Variants in GNG7 observed in about 807,000 individuals in gnomAD.
GNG7 encodes the protein guanine nucleotide-binding protein G(I)/G(S)/G(O) subunit gamma-7.
Under a neutral mutation model 4.0 loss-of-function variants are expected in GNG7, and 1 was observed. The ratio of observed to expected loss-of-function variants is 0.25; its 90% CI spans 0.09 to 1.18. GNG7 has a LOEUF of 1.18. GNG7 is among the 50% of genes most tolerant of loss of function. The probability of loss-of-function intolerance (pLI) is 0.50; values close to 1 mark genes in which losing one functional copy is unlikely to be tolerated. For synonymous variants in GNG7, 34 were observed against 36.9 expected (o/e 0.92, Z 0.29); for missense variants, 86 against 91.9 (o/e 0.94, Z 0.26).
chr19:2,580,928 C>T (rs1980484221), intron 2 of GNG7, among the ~76,000 whole-genome samples: 2 of 152,046 alleles, frequency 1.3e-5, no homozygotes, highest in African/African-American at 4.8e-5. Flanking sequence ...CCACGCCCGG[C>T]TAATTTTTGT....
At chr19:2,667,458 A>T (rs1983339167) in intron 1 of GNG7, among the ~76,000 whole-genome samples, 1 of 152,100 alleles carries the variant, frequency 6.6e-6, no homozygotes, top group East Asian at 1.9e-4. Flanking sequence ...CTCGCCAGAA[A>T]ACCTCGGCTG....
At chr19:2,651,332 TA>T (rs1319276857) in intron 1 of GNG7, among the ~76,000 whole-genome samples, 3 of 19,036 alleles carry the variant, frequency 1.6e-4, no homozygotes, top group African/African-American at 2.8e-4. Context: ...CCTCCCTCCC[TA>T]CCTTCCCTCC....
intron 2 of GNG7, among the ~76,000 whole-genome samples, chr19:2,560,124 T>G (rs999934442): frequency 2.6e-5 from 4 of 152,098 alleles, no homozygotes; most frequent in Non-Finnish European, 5.9e-5. Flanking sequence ...ATTTCTTGTC[T>G]CTCTCTGCGT....
chr19:2,578,140 G>C (rs372478150), intron 2 of GNG7, among the ~76,000 whole-genome samples: 1 of 152,204 alleles, frequency 6.6e-6, no homozygotes, highest in Non-Finnish European at 1.5e-5. Context: ...GCCCGGCTAC[G>C]TGCTTGTCTT....
intron 2 of GNG7, among the ~76,000 whole-genome samples, chr19:2,621,963 T>C (rs1264800416): frequency 6.6e-6 from 1 of 152,146 alleles, no homozygotes; most frequent in Non-Finnish European, 1.5e-5. Context: ...TGGTCACCTG[T>C]TATGGCAGCC....
chr19:2,575,717 AC>A, intron 2 of GNG7, among the ~76,000 whole-genome samples: 1 of 119,434 alleles, frequency 8.4e-6, no homozygotes, highest in Non-Finnish European at 1.7e-5. Flanking sequence ...AGGCAGGCAC[AC>A]GCAGACACGC....
At chr19:2,680,134 G>C (rs970695960) in intron 1 of GNG7, among the ~76,000 whole-genome samples, 5 of 148,266 alleles carry the variant, frequency 3.4e-5, no homozygotes, top group African/African-American at 1.3e-4. Context: ...ATCATAGTAA[G>C]ACCTTGTCTC....
At chr19:2,553,271 T>G (rs1979394582) in intron 3 of GNG7, among the ~76,000 whole-genome samples, 1 of 150,644 alleles carries the variant, frequency 6.6e-6, no homozygotes, top group Non-Finnish European at 1.5e-5. Context: ...TCCAATTAGG[T>G]AATCTACACG....
At chr19:2,663,451 T>G (rs1983229650) in intron 1 of GNG7, among the ~76,000 whole-genome samples, 1 of 150,438 alleles carries the variant, frequency 6.6e-6, no homozygotes, top group Admixed American at 6.7e-5. Context: ...TGCCAGCACC[T>G]CGACATTGGA....
chr19:2,574,352 C>A (rs1481347446), intron 2 of GNG7, among the ~76,000 whole-genome samples: 1 of 152,156 alleles, frequency 6.6e-6, no homozygotes, highest in African/African-American at 2.4e-5. Context: ...TCTTCCCAAA[C>A]TGAAACTCTG....
At chr19:2,607,046 C>A (rs577467051) in intron 2 of GNG7, among the ~76,000 whole-genome samples, 15 of 151,894 alleles carry the variant, frequency 9.9e-5, no homozygotes, top group African/African-American at 3.6e-4. Context: ...CACAGCGAGA[C>A]CCTGTCTCCA....
chr19:2,670,119 ACT>A (rs138024745), intron 1 of GNG7, among the ~76,000 whole-genome samples: 6,338 of 152,008 alleles, frequency 0.042, 443 homozygotes, highest in African/African-American at 0.14. Context: ...TTCTTTTGAA[ACT>A]CTCTGTCTCT....
intron 3 of GNG7, among the ~76,000 whole-genome samples, chr19:2,553,699 A>C (rs982921568): frequency 6.9e-6 from 1 of 145,336 alleles, no homozygotes; most frequent in Admixed American, 7.0e-5. Context: ...ACACATGTGC[A>C]CATTACATAT....
chr19:2,661,372 C>A (rs1403326747), intron 1 of GNG7, among the ~76,000 whole-genome samples: 2 of 142,792 alleles, frequency 1.4e-5, no homozygotes, highest in Non-Finnish European at 3.1e-5. Context: ...AATGGGCCCT[C>A]CAGGCTGGGC....
rs113980932 is a variant in GNG7 at position 2,594,447 on chromosome 19, G to GAAGGAAGGAAGGAAGGA, written c.-77-39260_-77-39259insTCCTTCCTTCCTTCCTT. On this transcript the variant is annotated intron_variant, in intron 2 of 4. Coordinates refer to ENST00000382159, the MANE Select transcript of GNG7 (RefSeq NM_052847.3). Reference sequence around the variant, plus strand: ...GGAAGGAAGGAAGGAAGGAAGGAAGGAGGAAGAAAGAAACTGCAAATTTAA... The same window carrying GAAGGAAGGAAGGAAGGA: ...GGAAGGAAGGAAGGAAGGAAGGAAGGAAGGAAGGAAGGAAGGAAGGAAGAAAGAAACTGCAAATTTAA... 1.3e-3 allele frequency among the ~76,000 whole-genome samples: 162 copies of GAAGGAAGGAAGGAAGGA among 127,128 alleles called. 2 individuals are homozygous for GAAGGAAGGAAGGAAGGA. The highest frequency in any genetic ancestry group is 5.1e-3 in the African/African-American group (137 of 27,094). 83.4% of individuals were successfully genotyped at this position (127,128 alleles called of 152,430 possible). A position where few individuals can be genotyped will look rare whatever the true frequency, so the allele number is the denominator to read the frequency against.
At chr19:2,525,603 T>G (rs1452484636) in intron 3 of GNG7, among the ~76,000 whole-genome samples, 1 of 151,910 alleles carries the variant, frequency 6.6e-6, no homozygotes, top group Non-Finnish European at 1.5e-5. Flanking sequence ...ACAGAAGGGC[T>G]GAACAAAACC....
At chr19:2,607,796 G>T (rs1229810767) in intron 2 of GNG7, among the ~76,000 whole-genome samples, 1 of 151,958 alleles carries the variant, frequency 6.6e-6, no homozygotes, top group Non-Finnish European at 1.5e-5. Flanking sequence ...AGCTGTCATC[G>T]TGGGCACTGG....
intron 1 of GNG7, among the ~76,000 whole-genome samples, chr19:2,657,361 A>AATATATATATATATAT (rs869231931): frequency 1.8e-4 from 3 of 16,286 alleles, no homozygotes; most frequent in Non-Finnish European, 3.1e-4. Flanking sequence ...AAAAAAAAAA[A>AATATATATATATATAT]ATATATATAT....
chr19:2,542,592 G>A (rs1978998801), intron 3 of GNG7, among the ~76,000 whole-genome samples: 1 of 152,176 alleles, frequency 6.6e-6, no homozygotes, highest in Admixed American at 6.5e-5. Context: ...GTTTCAGCCT[G>A]GGAGACCCTG....
Sources: allele counts gnomAD v4.1 joint callset (sites outside exome capture counted in the v4.1 genomes callset), GRCh38; gene constraint gnomAD v4.1.1; transcripts MANE v1.5; gene names NCBI Gene and HGNC (gene_info 2026-07-23, HGNC 2026-07-21).